SMOC1: variants seen among roughly 807,000 people sequenced by gnomAD.
SMOC1 encodes SPARC related modular calcium binding 1, also known as SPARC-related modular calcium-binding protein 1.
SMOC1 carries 22 observed loss-of-function variants against 56.3 expected under a neutral mutation model. The observed-to-expected ratio is 0.39, with a 90% CI of 0.28 to 0.56. SMOC1 has a LOEUF of 0.56. Ranked by LOEUF, SMOC1 falls within the 20% of genes least tolerant of loss-of-function variation. The pLI is 0.61. For missense variants in SMOC1, 509 were observed against 565.4 expected (o/e 0.90, Z 1.01); for synonymous variants, 193 against 215.0 (o/e 0.90, Z 0.89).
intron 1 of SMOC1, among the ~76,000 whole-genome samples, chr14:69,904,468 G>A (rs550827252): frequency 2.8e-4 from 42 of 152,302 alleles, no homozygotes; most frequent in African/African-American, 9.1e-4. Context: ...TGCCCTTAAG[G>A]GAAGACCTTT....
At chr14:69,943,501 A>G (rs1458181860) in intron 1 of SMOC1, among the ~76,000 whole-genome samples, 7 of 152,170 alleles carry the variant, frequency 4.6e-5, no homozygotes, top group Admixed American at 2.6e-4. Context: ...ACTACTCTCC[A>G]TTCCCAAGGA....
chr14:69,961,056 C>T (rs1300241424), intron 3 of SMOC1, among the ~76,000 whole-genome samples: 1 of 151,888 alleles, frequency 6.6e-6, no homozygotes, highest in Admixed American at 6.6e-5. Flanking sequence ...CATTAGCATT[C>T]ACTTCCCATT....
chr14:69,909,302 G>A (rs1016530067), intron 1 of SMOC1, among the ~76,000 whole-genome samples: 5 of 152,294 alleles, frequency 3.3e-5, no homozygotes, highest in African/African-American at 7.2e-5. Context: ...TTACTTCAGC[G>A]TGTGAAATAT....
intron 2 of SMOC1, among the ~76,000 whole-genome samples, chr14:69,953,048 A>G (rs142119872): frequency 3.5e-3 from 530 of 152,334 alleles, no homozygotes; most frequent in Non-Finnish European, 4.9e-3. Context: ...CTGATTTTCT[A>G]AAGAAAATGG....
chr14:69,944,151 CA>C (rs1882689639), intron 1 of SMOC1, among the ~76,000 whole-genome samples: 1 of 152,186 alleles, frequency 6.6e-6, no homozygotes, highest in African/African-American at 2.4e-5. Context: ...AGGGAGCTTA[CA>C]GTCCGGTGGA....
rs753303001 is a variant in SMOC1 at position 70,010,956 on chromosome 14, C to A, written c.857+10C>A. The A allele has an allele frequency of 6.3e-5, 101 of 1,611,860 alleles. No homozygotes were observed. Among genetic ancestry groups the A allele is most frequent in the Non-Finnish European group, 8.3e-5 (98 of 1,179,936 alleles). ...CTGGGACCTCCACACGGTAAGCCCC[C>A]CAGACTGGGTCCTGGGAAAAACGCA... On this transcript the variant is annotated intron_variant, in intron 8 of 11. Transcript: ENST00000361956.
intron 1 of SMOC1, among the ~76,000 whole-genome samples, chr14:69,884,151 C>T (rs187690600): frequency 6.6e-6 from 1 of 152,052 alleles, no homozygotes; most frequent in African/African-American, 2.4e-5. Flanking sequence ...CATGATCCAC[C>T]CGCCTCGGCC....
At chr14:70,008,542 C>A (rs143083602) in intron 7 of SMOC1, among the ~76,000 whole-genome samples, 1 of 152,164 alleles carries the variant, frequency 6.6e-6, no homozygotes, top group Non-Finnish European at 1.5e-5. Context: ...GCCCAAGCCA[C>A]GAGTCTGTGC....
At chr14:69,975,171 C>T (rs552490186) in intron 3 of SMOC1, among the ~76,000 whole-genome samples, 45 of 152,208 alleles carry the variant, frequency 3.0e-4, no homozygotes, top group African/African-American at 1.1e-3. Flanking sequence ...TGGCGAAACC[C>T]ATTTCTACTA....
At chr14:69,941,951 G>T (rs746279159) in intron 1 of SMOC1, among the ~76,000 whole-genome samples, 4 of 152,128 alleles carry the variant, frequency 2.6e-5, no homozygotes, top group Admixed American at 2.6e-4. Context: ...CAGCTGCTCT[G>T]TCCAGCACTC....
chr14:70,012,175 C>T (rs1480941009), intron 9 of SMOC1, among the ~76,000 whole-genome samples: 2 of 152,198 alleles, frequency 1.3e-5, no homozygotes, highest in Non-Finnish European at 1.5e-5. Flanking sequence ...GGAAATGGGC[C>T]ACCTTCCCAT....
intron 11 of SMOC1, among the ~76,000 whole-genome samples, chr14:70,026,856 A>G (rs1179380274): frequency 6.6e-6 from 1 of 151,232 alleles, no homozygotes; most frequent in Non-Finnish European, 1.5e-5. Context: ...AAGTATGGCT[A>G]TGTGTGCATG....
chr14:69,976,680 A>G (rs890691061), intron 4 of SMOC1, among the ~76,000 whole-genome samples: 2 of 152,180 alleles, frequency 1.3e-5, no homozygotes, highest in Non-Finnish European at 2.9e-5. Context: ...TTAATTCACT[A>G]TGTGGCTCAG....
intron 1 of SMOC1, among the ~76,000 whole-genome samples, chr14:69,925,926 C>G (rs558623370): frequency 3.3e-4 from 50 of 152,284 alleles, no homozygotes; most frequent in African/African-American, 1.2e-3. Context: ...GAGAAGACTG[C>G]GCACACCCTG....
At chr14:69,899,680 C>T (rs1451880681) in intron 1 of SMOC1, among the ~76,000 whole-genome samples, 2 of 152,140 alleles carry the variant, frequency 1.3e-5, no homozygotes, top group Non-Finnish European at 2.9e-5. Flanking sequence ...CTGTGAGAAC[C>T]AGGTAGGGCT....
chr14:69,945,532 C>T (rs1226698580), intron 1 of SMOC1, among the ~76,000 whole-genome samples: 1 of 152,186 alleles, frequency 6.6e-6, no homozygotes, highest in Non-Finnish European at 1.5e-5. Context: ...GAAGTCAAAT[C>T]TGTTACCTCA....
At chr14:70,029,924 G>T (rs1886077250) in intron 11 of SMOC1, among the ~76,000 whole-genome samples, 1 of 152,218 alleles carries the variant, frequency 6.6e-6, no homozygotes, top group Admixed American at 6.5e-5. Flanking sequence ...TGAGAGTAGT[G>T]TGATCTGAAC....
chr14:70,026,951 G>A (rs1444643199), intron 11 of SMOC1, among the ~76,000 whole-genome samples: 2 of 152,212 alleles, frequency 1.3e-5, no homozygotes, highest in African/African-American at 4.8e-5. Context: ...GAGTGTGATG[G>A]AGTGAGGGAG....
At position 69,893,054 on chromosome 14, in the gene SMOC1, C is replaced by G. The variant is rs1031812254; in HGVS notation, c.99+13277C>G. On this transcript the variant is annotated intron_variant, in intron 1 of 11. Coordinates refer to ENST00000361956, the MANE Select transcript of SMOC1 (RefSeq NM_001034852.3). ...TGAGTAAACAGGTCTTCTGGAGTTT[C>G]CGCACTAGATTTTGCTGCCTGCATT... is the stretch of plus-strand genomic sequence containing the variant. 2.6e-5 allele frequency among the ~76,000 whole-genome samples: 4 copies of G among 152,276 alleles called. No individual in the cohort carries two copies. In the East Asian group the frequency reaches 7.7e-4, roughly 29 times the overall value.
Sources: allele counts gnomAD v4.1 joint callset (sites outside exome capture counted in the v4.1 genomes callset), GRCh38; gene constraint gnomAD v4.1.1; transcripts MANE v1.5; gene names NCBI Gene and HGNC (gene_info 2026-07-23, HGNC 2026-07-21).